UNK: variants seen among roughly 807,000 people sequenced by gnomAD.
UNK encodes the protein unk zinc finger.
A neutral mutation model predicts 97.6 loss-of-function variants in UNK; 32 were observed. That is an observed-to-expected ratio of 0.33 (90% confidence interval 0.25 to 0.44). UNK has a LOEUF of 0.44. UNK is among the 20% of genes least tolerant of loss of function. The pLI, the probability that UNK is intolerant of heterozygous loss-of-function variation, is 1.00. For synonymous variants in UNK, 441 were observed against 461.2 expected, an observed-to-expected ratio of 0.96 and a Z score of 0.56; for missense variants, 771 against 1,098.4, an observed-to-expected ratio of 0.70 and a Z score of 4.21.
Position 75,818,860 on chromosome 17 carries a change from G to A in UNK, c.1546+44G>A, listed in dbSNP as rs1168500963. 1 of 1,502,032 alleles carries A rather than the reference G, an allele frequency of 6.7e-7. No homozygotes were observed. The highest frequency in any genetic ancestry group is 8.9e-7 in the Non-Finnish European group (1 of 1,121,308). 93.0% of individuals were successfully genotyped at this position (1,502,032 alleles called of 1,614,324 possible). On this transcript the variant is annotated intron_variant, in intron 11 of 15. Coordinates refer to ENST00000589666, the MANE Select transcript of UNK (RefSeq NM_001080419.3). The surrounding 1 kb of genome is among the most constrained non-coding windows in gnomAD (Gnocchi z 5.1). ...TTTGAAAGCCCAGGACTGGGTCTGG[G>A]GTCAGAGACCCCCCAGTCTCTGAAG...
At position 75,815,167 on chromosome 17, in the gene UNK, A is replaced by G. The variant is rs2062006132; in HGVS notation, c.877-2A>G. ...CTGACTTGCCTGTGCTCTGCCCTCC[A>G]GATCTACAAGTCCACCAAGTGCAAC... On this transcript the variant is annotated splice_acceptor_variant, in intron 6 of 15. Coordinates refer to ENST00000589666, the MANE Select transcript of UNK (RefSeq NM_001080419.3). LOFTEE classifies it high-confidence loss of function. The G allele has an allele frequency of 6.2e-7, 1 of 1,612,530 alleles. No individual in the cohort carries two copies. The highest frequency in any genetic ancestry group is 1.7e-5 in the Admixed American group (1 of 59,964).
chr17:75,824,489 A>AATAT lies in UNK; in HGVS notation c.*83_*86dup. The AATAT allele has an allele frequency of 1.2e-6, 1 of 837,112 alleles. No homozygotes were observed. Among genetic ancestry groups the AATAT allele is most frequent in the Non-Finnish European group, 1.5e-6 (1 of 646,090 alleles). 51.9% of individuals were successfully genotyped at this position (837,112 alleles called of 1,614,324 possible). Reference sequence around the variant, plus strand: ...TTTTTAAAGTATATATATATATATGAATATATATATATATGTGTATGTATG... The same window carrying AATAT: ...TTTTTAAAGTATATATATATATATGAATATATATATATATATATGTGTATGTATG... On this transcript the variant is annotated 3_prime_UTR_variant, in exon 16 of 16. Coordinates refer to ENST00000589666, the MANE Select transcript of UNK (RefSeq NM_001080419.3). The surrounding 1 kb of genome is among the most constrained non-coding windows in gnomAD (Gnocchi z 4.9).
chr17:75,791,043 T>C (rs1489973112), intron 1 of UNK, among the ~76,000 whole-genome samples: 1 of 152,236 alleles, frequency 6.6e-6, no homozygotes, highest in African/African-American at 2.4e-5. Flanking sequence ...CAAAGACTAA[T>C]CATGTCTTCA....
At chr17:75,793,315 C>G in intron 1 of UNK, 4 of 622,888 alleles carry the variant, frequency 6.4e-6, no homozygotes, top group Non-Finnish European at 8.0e-6. Flanking sequence ...TCTTTAAGGA[C>G]AGGCCATGTG....
At chr17:75,823,660 G>T in intron 15 of UNK, 138 bp downstream of exon 15, 1 of 1,286,298 alleles carries the variant, frequency 7.8e-7, no homozygotes, top group South Asian at 1.7e-5. Flanking sequence ...GCACTCAAAA[G>T]GCCGGCCTGC....
chr17:75,791,456 A>G (rs1184210791), intron 1 of UNK, among the ~76,000 whole-genome samples: 1 of 152,254 alleles, frequency 6.6e-6, no homozygotes, highest in East Asian at 1.9e-4. Flanking sequence ...TTAGTAGAGT[A>G]CTACTTGTTG....
At chr17:75,790,927 G>A (rs2061758594) in intron 1 of UNK, among the ~76,000 whole-genome samples, 2 of 151,902 alleles carry the variant, frequency 1.3e-5, no homozygotes, top group Admixed American at 1.3e-4. Flanking sequence ...GCAACAGAGC[G>A]AGACTCTGGC....
chr17:75,794,414 A>C (rs1388691515), intron 1 of UNK, among the ~76,000 whole-genome samples: 1 of 152,094 alleles, frequency 6.6e-6, no homozygotes, highest in Admixed American at 6.6e-5. Flanking sequence ...AGGCGGGTGG[A>C]TTGCCTGAGG....
chr17:75,788,022 G>C (rs978408063), intron 1 of UNK, among the ~76,000 whole-genome samples: 1 of 151,916 alleles, frequency 6.6e-6, no homozygotes, highest in South Asian at 2.1e-4. Context: ...TTTTGATTTT[G>C]ATTTTAAATG....
rs2062023923 is a variant in UNK at position 75,817,141 on chromosome 17, C to G, written c.1105-185C>G. The stretch of plus-strand genomic sequence containing the variant: ...GAGCCTGTAGGACTGGTGGCAGGGA[C>G]AAAGCCTGAGGTCACTCCCCTTTCC... On this transcript the variant is annotated intron_variant, in intron 8 of 15. Transcript: ENST00000589666. The surrounding 1 kb of genome is among the most constrained non-coding windows in gnomAD (Gnocchi z 5.8). 6.7e-6 allele frequency among the ~76,000 whole-genome samples: 1 copy of G among 149,956 alleles called. No homozygotes were observed. Among genetic ancestry groups the G allele is most frequent in the South Asian group, 2.1e-4 (1 of 4,672 alleles).
Position 75,817,250 on chromosome 17 carries a change from G to A in UNK, c.1105-76G>A. On this transcript the variant is annotated intron_variant, in intron 8 of 15. Coordinates refer to ENST00000589666, the MANE Select transcript of UNK (RefSeq NM_001080419.3). The surrounding 1 kb of genome is among the most constrained non-coding windows in gnomAD (Gnocchi z 5.8). ...ACTGAGCCCCTTGAAGACTCCCTCTGGAGAGGGTGGAGGATGGGCCACGCA... is the reference window on the plus strand; with the variant it reads ...ACTGAGCCCCTTGAAGACTCCCTCTAGAGAGGGTGGAGGATGGGCCACGCA... 1 of 1,427,942 alleles carries A rather than the reference G, an allele frequency of 7.0e-7. No homozygotes were observed. 88.5% of individuals were successfully genotyped at this position (1,427,942 alleles called of 1,614,324 possible).
In UNK at chr17:75,792,904, A is replaced by G. The variant is rs77506129; in HGVS notation, c.104+7920A>G. On this transcript the variant is annotated intron_variant, in intron 1 of 15. Coordinates refer to ENST00000589666, the MANE Select transcript of UNK (RefSeq NM_001080419.3). ...AGAGAGGGCTTCAAGCGCATGGCCTATTGCCAAGGCTCAGCAACAGTGGTT... is the reference window on the plus strand; with the variant it reads ...AGAGAGGGCTTCAAGCGCATGGCCTGTTGCCAAGGCTCAGCAACAGTGGTT... Among the ~76,000 whole-genome samples, 899 of 152,322 alleles carry G rather than the reference A, an allele frequency of 5.9e-3. 5 individuals carry two copies. The highest frequency in any genetic ancestry group is 0.018 in the African/African-American group (745 of 41,568).
rs1439706549 is a variant in UNK, at chr17:75,784,873, A to G, written c.-8A>G. The G allele has an allele frequency of 4.4e-6, 7 of 1,601,086 alleles. No homozygotes were observed. Among genetic ancestry groups the G allele is most frequent in the Non-Finnish European group, 3.4e-6 (4 of 1,174,854 alleles). ...AGGGGAGCGGCGAAGAGGCAGGAAG[A>G]CAAGACCATGTCGAAGGGCCCCGGG... On this transcript the variant is annotated 5_prime_UTR_variant, in exon 1 of 16. Transcript: ENST00000589666.
intron 13 of UNK, among the ~76,000 whole-genome samples, chr17:75,820,346 T>G (rs2062055833): frequency 6.6e-6 from 1 of 152,188 alleles, no homozygotes; most frequent in Non-Finnish European, 1.5e-5. Context: ...CTCCTAACGT[T>G]GTGAGCATTG....
At position 75,803,242 on chromosome 17, in the gene UNK, A is replaced by G. The variant is rs969814138; in HGVS notation, c.105-6518A>G. On this transcript the variant is annotated intron_variant, in intron 1 of 15. Coordinates refer to ENST00000589666, the MANE Select transcript of UNK (RefSeq NM_001080419.3). ...GGTGAAACCCCGTCTCTACTAAAAAATACAAAAAAATTTAGCTGGGCATTG... is the reference window on the plus strand; with the variant it reads ...GGTGAAACCCCGTCTCTACTAAAAAGTACAAAAAAATTTAGCTGGGCATTG... Among the ~76,000 whole-genome samples, 49 of 139,980 alleles carry G rather than the reference A, an allele frequency of 3.5e-4. 1 individual carries two copies. The highest frequency in any genetic ancestry group is 1.2e-3 in the African/African-American group (42 of 33,732). 91.8% of individuals were successfully genotyped at this position (139,980 alleles called of 152,430 possible). A position where few individuals can be genotyped will look rare whatever the true frequency, so the allele number is the denominator to read the frequency against.
chr17:75,792,247 C>T (rs1009001418), intron 1 of UNK: 6 of 969,144 alleles, frequency 6.2e-6, no homozygotes, highest in Non-Finnish European at 7.4e-6. Flanking sequence ...ATTATTTTCC[C>T]ACACTGGGCA....
intron 1 of UNK, among the ~76,000 whole-genome samples, chr17:75,803,273 G>T (rs1217272383): frequency 2.6e-5 from 4 of 151,804 alleles, no homozygotes; most frequent in African/African-American, 9.7e-5. Flanking sequence ...CATTGTGGCA[G>T]GCACCTGTAG....
chr17:75,791,965 GAT>G (rs1335526883), intron 1 of UNK: 5 of 985,286 alleles, frequency 5.1e-6, no homozygotes, highest in Non-Finnish European at 6.0e-6. Flanking sequence ...ACAAAAGCAA[GAT>G]ACCCTCGTGG....
Position 75,793,927 on chromosome 17 carries a change from G to A in UNK, c.104+8943G>A, listed in dbSNP as rs1334828714. Reference sequence around the variant, plus strand: ...TGTGACTTAGAAGTTTTAAGTAGTCGTTCTTATATCTAAGCATTTATTAAT... The same window carrying A: ...TGTGACTTAGAAGTTTTAAGTAGTCATTCTTATATCTAAGCATTTATTAAT... On this transcript the variant is annotated intron_variant, in intron 1 of 15. Coordinates refer to ENST00000589666, the MANE Select transcript of UNK (RefSeq NM_001080419.3). The A allele has an allele frequency of 2.6e-5, 26 of 985,166 alleles. No individual in the cohort carries two copies. The South Asian group carries it at 7.0e-4, about 27-fold the overall frequency. The allele number at this position is 985,166 out of a possible 1,614,324, so 61.0% of individuals were successfully genotyped here. A position where few individuals can be genotyped will look rare whatever the true frequency, so the allele number is the denominator to read the frequency against.
Sources: gnomAD v4.1 joint callset for allele counts (sites outside exome capture counted in the v4.1 genomes callset) on GRCh38, gnomAD v4.1.1 for gene constraint, Gnocchi (gnomAD v3.1) non-coding constraint, MANE v1.5 for transcripts, NCBI Gene and HGNC (gene_info 2026-07-23, HGNC 2026-07-21) for gene names.